FAM135B: variants seen among roughly 807,000 people sequenced by gnomAD.
FAM135B encodes the protein protein FAM135B.
Under a neutral mutation model 127.7 loss-of-function variants are expected in FAM135B, and 43 were observed. The ratio of observed to expected loss-of-function variants is 0.34; its 90% confidence interval spans 0.26 to 0.43. The LOEUF (loss-of-function observed/expected upper bound fraction) is 0.43, where lower values mean the gene tolerates loss of function less well. FAM135B is among the 20% of genes least tolerant of loss of function. The probability of loss-of-function intolerance (pLI) is 1.00; values close to 1 mark genes in which losing one functional copy is unlikely to be tolerated. For missense variants in FAM135B, 1,558 were observed against 1,725.6 expected, an observed-to-expected ratio of 0.90 and a Z score of 1.72; for synonymous variants, 670 against 665.1, an observed-to-expected ratio of 1.01 and a Z score of -0.11.
chr8:138,188,014 G>A (rs1018981033), intron 9 of FAM135B, among the ~76,000 whole-genome samples: 2 of 151,886 alleles, frequency 1.3e-5, no homozygotes, highest in Non-Finnish European at 2.9e-5. Flanking sequence ...CACCTGCTAG[G>A]AGGATGGTGT....
chr8:138,206,540 C>T (rs1817648063), intron 7 of FAM135B, among the ~76,000 whole-genome samples: 1 of 151,746 alleles, frequency 6.6e-6, no homozygotes, highest in Non-Finnish European at 1.5e-5. Context: ...CATCTACACA[C>T]AACTCCAGCA....
chr8:138,287,681 A>C (rs1824803160), intron 3 of FAM135B, among the ~76,000 whole-genome samples: 1 of 152,172 alleles, frequency 6.6e-6, no homozygotes, highest in Non-Finnish European at 1.5e-5. Context: ...ATTTCCTGGC[A>C]CACACAGCCC....
At chr8:138,452,453 G>GTC (rs989875280) in intron 1 of FAM135B, among the ~76,000 whole-genome samples, 8 of 152,046 alleles carry the variant, frequency 5.3e-5, no homozygotes, top group African/African-American at 1.9e-4. Context: ...GGTGACCACA[G>GTC]TCTACAGATA....
At chr8:138,151,144 A>G (rs2130718405) in intron 13 of FAM135B, 50 bp downstream of exon 13, 1 of 1,404,468 alleles carries the variant, frequency 7.1e-7, no homozygotes, top group Non-Finnish European at 9.5e-7. Flanking sequence ...AAATATGTGG[A>G]AAAATCTAAA....
At chr8:138,416,226 G>A (rs1199224058) in intron 1 of FAM135B, among the ~76,000 whole-genome samples, 3 of 152,190 alleles carry the variant, frequency 2.0e-5, no homozygotes, top group Non-Finnish European at 4.4e-5. Flanking sequence ...GAGCAATAGA[G>A]AGGTTAAAGC....
chr8:138,225,337 C>T (rs540976992), intron 7 of FAM135B, among the ~76,000 whole-genome samples: 1 of 151,968 alleles, frequency 6.6e-6, no homozygotes, highest in African/African-American at 2.4e-5. Context: ...AGAAGGTAGC[C>T]ATCTGCAAGC....
chr8:138,167,829 G>A (rs2130897768), intron 12 of FAM135B, 66 bp downstream of exon 12: 2 of 1,503,080 alleles, frequency 1.3e-6, no homozygotes, highest in South Asian at 1.4e-5. Flanking sequence ...TAAACAAACT[G>A]TGCCATTGTC....
intron 2 of FAM135B, among the ~76,000 whole-genome samples, chr8:138,327,246 A>T (rs1827850499): frequency 6.6e-6 from 1 of 152,208 alleles, no homozygotes; most frequent in Non-Finnish European, 1.5e-5. Context: ...TGTGTCAGGC[A>T]AGACTGTTGG....
chr8:138,419,129 G>A (rs572749724), intron 1 of FAM135B, among the ~76,000 whole-genome samples: 42 of 152,162 alleles, frequency 2.8e-4, no homozygotes, highest in Non-Finnish European at 5.4e-4. Context: ...ATGCAATGAC[G>A]CCACAGATTC....
intron 1 of FAM135B, among the ~76,000 whole-genome samples, chr8:138,470,881 T>A (rs994533628): frequency 1.3e-5 from 2 of 152,202 alleles, no homozygotes; most frequent in African/African-American, 4.8e-5. Context: ...AATTTCTCAC[T>A]TATTTTATAC....
In FAM135B at chr8:138,346,663, G is replaced by A. The variant is rs369323184; in HGVS notation, c.77+21244C>T. The stretch of plus-strand genomic sequence containing the variant: ...GGGGAATGACACACTGGGGCCTGTC[G>A]GGGGGTCAGAGGTGGTGACGGGGAG... On this transcript the variant is annotated intron_variant, in intron 2 of 19. Coordinates refer to ENST00000395297, the MANE Select transcript of FAM135B (RefSeq NM_015912.4). Among the ~76,000 whole-genome samples, 37 of 152,134 alleles carry A rather than the reference G, an allele frequency of 2.4e-4. No individual in the cohort carries two copies. In the East Asian group the frequency reaches 2.9e-3, roughly 12 times the overall value.
At chr8:138,144,585 C>G (rs79442119) in intron 15 of FAM135B, among the ~76,000 whole-genome samples, 1 of 152,150 alleles carries the variant, frequency 6.6e-6, no homozygotes. Flanking sequence ...CTTTGGAAAT[C>G]ACAGTAGGTT....
intron 2 of FAM135B, among the ~76,000 whole-genome samples, chr8:138,315,012 C>T (rs1328688537): frequency 6.7e-6 from 1 of 148,718 alleles, no homozygotes; most frequent in Admixed American, 6.7e-5. Flanking sequence ...GAAAAATGAA[C>T]AAGGTAAAAT....
At chr8:138,238,054 T>A (rs1212749040) in intron 7 of FAM135B, among the ~76,000 whole-genome samples, 1 of 151,566 alleles carries the variant, frequency 6.6e-6, no homozygotes, top group African/African-American at 2.4e-5. Context: ...TATCTCTCTA[T>A]ACCTTGAGAA....
intron 1 of FAM135B, among the ~76,000 whole-genome samples, chr8:138,393,858 G>A (rs910862708): frequency 3.3e-5 from 5 of 152,134 alleles, no homozygotes; most frequent in Non-Finnish European, 5.9e-5. Flanking sequence ...CATTCTGATC[G>A]AGGATTTGTA....
At chr8:138,191,936 C>T (rs372753931) in intron 9 of FAM135B, among the ~76,000 whole-genome samples, 4 of 152,312 alleles carry the variant, frequency 2.6e-5, no homozygotes, top group African/African-American at 2.4e-5. Flanking sequence ...TTCCCTGCAC[C>T]GATGCTGCCT....
chr8:138,191,511 G>C (rs1441018661), intron 9 of FAM135B, among the ~76,000 whole-genome samples: 1 of 152,130 alleles, frequency 6.6e-6, no homozygotes. Flanking sequence ...GGTGCCAGGA[G>C]CCCTTCTAAG....
chr8:138,226,598 G>A (rs1819471119), intron 7 of FAM135B, among the ~76,000 whole-genome samples: 1 of 152,108 alleles, frequency 6.6e-6, no homozygotes, highest in African/African-American at 2.4e-5. Context: ...CACTCTGTCG[G>A]TAGTGGAGGC....
intron 5 of FAM135B, among the ~76,000 whole-genome samples, chr8:138,253,261 G>A (rs1276352919): frequency 6.6e-6 from 1 of 152,188 alleles, no homozygotes; most frequent in Non-Finnish European, 1.5e-5. Context: ...GGCAGAATGG[G>A]CCATGACGTG....
Sources: gnomAD v4.1 joint callset for allele counts (sites outside exome capture counted in the v4.1 genomes callset) on GRCh38, gnomAD v4.1.1 for gene constraint, MANE v1.5 for transcripts, NCBI Gene and HGNC (gene_info 2026-07-23, HGNC 2026-07-21) for gene names.